The following TEC variants were observed in gnomAD, a reference collection of about 807,000 sequenced individuals.
TEC encodes the protein tyrosine-protein kinase Tec.
Under a neutral mutation model 93.0 loss-of-function variants are expected in TEC, and 72 were observed. The ratio of observed to expected loss-of-function variants is 0.77; its 90% CI spans 0.64 to 0.94. The LOEUF (loss-of-function observed/expected upper bound fraction) is 0.94, where lower values mean the gene tolerates loss of function less well. Ranked by LOEUF, TEC falls within the 40% of genes least tolerant of loss-of-function variation. TEC has a pLI of 0.00. For synonymous variants in TEC, 249 were observed against 247.7 expected (o/e 1.01, Z -0.05); for missense variants, 630 against 757.9 (o/e 0.83, Z 1.98).
chr4:48,262,660 T>G (rs1196988829), intron 1 of TEC, among the ~76,000 whole-genome samples: 1 of 152,168 alleles, frequency 6.6e-6, no homozygotes, highest in Non-Finnish European at 1.5e-5. Flanking sequence ...GAGGTTCCAA[T>G]GACTTCAAAG....
In TEC at chr4:48,167,826, A is replaced by G. The variant is rs1003501745; in HGVS notation, c.623T>C (p.Ile208Thr). 6.2e-7 allele frequency: 1 copy of G among 1,613,832 alleles called. No individual in the cohort carries two copies. ...LRLERGQEYL[I>T]LEKNDVHWWR... is the part of the protein sequence containing the mutation. ...CCAATGAACATCATTCTTTTCTAAAATGAGATACTCTTGGCCTCTCTCTAA... is the reference window on the plus strand; with the variant it reads ...CCAATGAACATCATTCTTTTCTAAAGTGAGATACTCTTGGCCTCTCTCTAA... Residue 208 changes from isoleucine (I) to threonine (T), a missense_variant, in exon 7 of 18, where the codon ATT (isoleucine) becomes ACT (threonine). Physicochemically the swap from Ile to Thr is moderately conservative, Grantham distance 89. This residue lies in a region of TEC where 335 missense variants were observed against 351.5 expected (regional missense o/e 0.95). Transcript: ENST00000381501.
At chr4:48,253,736 A>G (rs1193198473) in intron 1 of TEC, among the ~76,000 whole-genome samples, 2 of 151,922 alleles carry the variant, frequency 1.3e-5, no homozygotes, top group African/African-American at 4.8e-5. Flanking sequence ...CACCATGCCC[A>G]GCTAACTTTT....
chr4:48,196,353 T>A (rs1330849040), intron 2 of TEC, among the ~76,000 whole-genome samples: 3 of 152,210 alleles, frequency 2.0e-5, no homozygotes. Flanking sequence ...TGCTACTTAC[T>A]CACTGTATCT....
At chr4:48,167,652 G>T in intron 7 of TEC, 126 bp downstream of exon 7, 1 of 818,978 alleles carries the variant, frequency 1.2e-6, no homozygotes. Context: ...AAGTAATAAG[G>T]TGTGCTTCCA....
At chr4:48,140,500 A>G (rs1400912897) in intron 15 of TEC, among the ~76,000 whole-genome samples, 1 of 152,054 alleles carries the variant, frequency 6.6e-6, no homozygotes, top group Non-Finnish European at 1.5e-5. Flanking sequence ...AATTATCTCT[A>G]TTACAGGGAT....
chr4:48,165,248 T>C (rs1360960153), intron 7 of TEC, among the ~76,000 whole-genome samples: 1 of 152,164 alleles, frequency 6.6e-6, no homozygotes, highest in Non-Finnish European at 1.5e-5. Flanking sequence ...ACACTAAAAA[T>C]AAACTGTTGG....
intron 1 of TEC, among the ~76,000 whole-genome samples, chr4:48,232,936 T>C (rs941213903): frequency 6.6e-6 from 1 of 152,184 alleles, no homozygotes; most frequent in African/African-American, 2.4e-5. Flanking sequence ...AGAAGAATTG[T>C]TGGCAAATCA....
intron 1 of TEC, among the ~76,000 whole-genome samples, chr4:48,239,517 G>A (rs1457190737): frequency 1.3e-5 from 2 of 152,126 alleles, no homozygotes; most frequent in Non-Finnish European, 2.9e-5. Flanking sequence ...ATTTCTCAGT[G>A]GGTACAGTGA....
At chr4:48,170,520 A>C (rs187970869) in intron 4 of TEC, 144 bp from the exon 5 acceptor site, 1 of 555,960 alleles carries the variant, frequency 1.8e-6, no homozygotes, top group East Asian at 3.1e-5. Context: ...CTCAGCATTC[A>C]GAAAAGCTCT....
chr4:48,141,268 G>A (rs1256645921), intron 15 of TEC, 87 bp downstream of exon 15: 18 of 1,145,250 alleles, frequency 1.6e-5, no homozygotes, highest in Non-Finnish European at 2.3e-5. Context: ...TTTCCTTTCT[G>A]CTTCATCAGT....
At chr4:48,230,597 A>G (rs1487265507) in intron 1 of TEC, among the ~76,000 whole-genome samples, 2 of 152,136 alleles carry the variant, frequency 1.3e-5, no homozygotes, top group African/African-American at 2.4e-5. Context: ...CATTGGATCA[A>G]TCTTCAAAGA....
intron 2 of TEC, among the ~76,000 whole-genome samples, chr4:48,223,780 G>T (rs1267226826): frequency 6.6e-6 from 1 of 152,178 alleles, no homozygotes; most frequent in East Asian, 1.9e-4. Context: ...TGATGAGGTG[G>T]CTCACTGTAC....
At chr4:48,232,629 A>AT (rs1397440829) in intron 1 of TEC, among the ~76,000 whole-genome samples, 1 of 152,226 alleles carries the variant, frequency 6.6e-6, no homozygotes, top group African/African-American at 2.4e-5. Flanking sequence ...AAGTCTCCTC[A>AT]TGTAGACTTC....
Position 48,231,987 on chromosome 4 carries a change from GA to G in TEC, c.-45-3329del, listed in dbSNP as rs201154539. 3.1e-3 allele frequency among the ~76,000 whole-genome samples: 471 copies of G among 151,822 alleles called. 3 individuals carry two copies. The highest frequency in any genetic ancestry group is 0.011 in the African/African-American group (451 of 41,422). On this transcript the variant is annotated intron_variant, in intron 1 of 17. Coordinates refer to ENST00000381501, the MANE Select transcript of TEC (RefSeq NM_003215.3). ...AAACATTCATGTTGAATGTCCTGGG[GA>G]AAAAAAATCACCTTATCTGTCCATG... is the stretch of plus-strand genomic sequence containing the variant.
intron 4 of TEC, 101 bp from the exon 5 acceptor site, chr4:48,170,477 T>A (rs1721055239): frequency 1.2e-6 from 1 of 835,320 alleles, no homozygotes; most frequent in Non-Finnish European, 1.8e-6. Flanking sequence ...TTGGACACTA[T>A]GTTTACTATA....
chr4:48,149,647 T>A lies in TEC; in HGVS notation c.916A>T (p.Thr306Ser). Residue 306 changes from threonine to serine, a missense_variant, in exon 11 of 18, where the codon ACA (threonine) becomes TCA (serine). Thr to Ser is a moderately conservative substitution (Grantham distance 58). Coordinates refer to ENST00000381501, the MANE Select transcript of TEC (RefSeq NM_003215.3). ...GFRHYHIKETTTSPKKYYLAE... is the reference protein window; with the variant it reads ...GFRHYHIKETSTSPKKYYLAE... Reference sequence around the variant, plus strand: ...AGGTAATACTTCTTTGGAGATGTTGTTGTTTCCTTTATATGATAATGCCTA... The same window carrying A: ...AGGTAATACTTCTTTGGAGATGTTGATGTTTCCTTTATATGATAATGCCTA... The A allele has an allele frequency of 6.2e-7, 1 of 1,612,498 alleles. No homozygotes were observed. The highest frequency in any genetic ancestry group is 8.5e-7 in the Non-Finnish European group (1 of 1,179,482).
At chr4:48,204,253 C>T (rs1444374497) in intron 2 of TEC, among the ~76,000 whole-genome samples, 1 of 152,192 alleles carries the variant, frequency 6.6e-6, no homozygotes, top group Non-Finnish European at 1.5e-5. Flanking sequence ...TGCTTGCCTT[C>T]TGGGAGTCTG....
chr4:48,154,091 C>G (rs1039936135), intron 9 of TEC, among the ~76,000 whole-genome samples: 1 of 152,186 alleles, frequency 6.6e-6, no homozygotes, highest in Non-Finnish European at 1.5e-5. Context: ...AAAATGAAAA[C>G]TATCTGAAAG....
chr4:48,168,651 G>A, intron 5 of TEC, 25 bp from the exon 6 acceptor site: 1 of 1,597,206 alleles, frequency 6.3e-7, no homozygotes, highest in Non-Finnish European at 8.5e-7. Flanking sequence ...AACAAAAACA[G>A]ATTAAAATGC....
Sources: gnomAD v4.1 joint callset for allele counts (sites outside exome capture counted in the v4.1 genomes callset) on GRCh38, gnomAD v4.1.1 for gene constraint, gnomAD v4.1.1 regional missense constraint, MANE v1.5 for transcripts, NCBI Gene and HGNC (gene_info 2026-07-23, HGNC 2026-07-21) for gene names.